TCFL5: variants seen among roughly 807,000 people sequenced by gnomAD.
TCFL5 encodes the protein transcription factor like 5.
In TCFL5, 9 loss-of-function variants were observed where a neutral mutation model predicts 44.3. That is an observed-to-expected ratio of 0.20 (90% CI 0.12 to 0.35). The LOEUF is 0.35. Ranked by LOEUF, TCFL5 falls within the 10% of genes least tolerant of loss-of-function variation. The pLI is 1.00. For missense variants in TCFL5, 603 were observed against 613.4 expected (o/e 0.98, Z 0.18); for synonymous variants, 319 against 271.6 (o/e 1.17, Z -1.72).
At position 62,859,380 on chromosome 20, in the gene TCFL5, A is replaced by T. The variant is rs199556767; in HGVS notation, c.978T>A (p.Val326=). The change falls in exon 3 of 6, where the codon GTT becomes GTA. Residue 326 remains valine (V), a synonymous_variant. Transcript: ENST00000335351. Reference sequence around the variant, plus strand: ...ATCGCTTACCTCCCACTTTAATCCAAACTTGCTCAGGCAAAACTTTGTTTC... The same window carrying T: ...ATCGCTTACCTCCCACTTTAATCCATACTTGCTCAGGCAAAACTTTGTTTC... The part of the protein sequence containing the change: ...GSRNKVLPEQ[V]WIKVGEAALC... 6.2e-7 allele frequency: 1 copy of T among 1,607,934 alleles called. No homozygotes were observed. Among genetic ancestry groups the T allele is most frequent in the Non-Finnish European group, 8.5e-7 (1 of 1,175,570 alleles).
chr20:62,858,280 C>T (rs1387154175), intron 3 of TCFL5, among the ~76,000 whole-genome samples: 1 of 152,214 alleles, frequency 6.6e-6, no homozygotes, highest in African/African-American at 2.4e-5. Flanking sequence ...ACCACAGGCA[C>T]GTGACTGGCA....
intron 4 of TCFL5, among the ~76,000 whole-genome samples, chr20:62,856,477 G>A (rs2063892502): frequency 6.6e-6 from 1 of 151,710 alleles, no homozygotes; most frequent in Admixed American, 6.6e-5. Flanking sequence ...GGCCGAGGCG[G>A]GCAGATCACG....
At position 62,859,382 on chromosome 20, in the gene TCFL5, C is replaced by T. The variant is rs1185974412; in HGVS notation, c.976G>A (p.Val326Ile). ...CGCTTACCTCCCACTTTAATCCAAA[C>T]TTGCTCAGGCAAAACTTTGTTTCTA... ...GSRNKVLPEQ[V>I]WIKVGEAALC... is the part of the protein sequence containing the mutation. The change falls in exon 3 of 6, where the codon GTT becomes ATT. Residue 326 changes from valine to isoleucine, a missense_variant. Physicochemically the swap from Val to Ile is conservative, Grantham distance 29. This residue lies in a region of TCFL5 where 540 missense variants were observed against 478.7 expected (regional missense o/e 1.13). Transcript: ENST00000335351. 1 of 1,607,898 alleles carries T rather than the reference C, an allele frequency of 6.2e-7. No homozygotes were observed. Among genetic ancestry groups the T allele is most frequent in the Non-Finnish European group, 8.5e-7 (1 of 1,175,706 alleles).
At chr20:62,845,765 C>T (rs2063734338) in intron 5 of TCFL5, 1 of 1,606,166 alleles carries the variant, frequency 6.2e-7, no homozygotes, top group Non-Finnish European at 8.5e-7. Flanking sequence ...ACTTCTCCAT[C>T]ACCAAGGAAG....
intron 4 of TCFL5, among the ~76,000 whole-genome samples, chr20:62,856,118 CG>C (rs1568789440): frequency 6.6e-6 from 1 of 151,348 alleles, no homozygotes; most frequent in African/African-American, 2.4e-5. Flanking sequence ...GGCGTAGTGG[CG>C]GGTACCTGTA....
Position 62,861,729 on chromosome 20 carries a change from C to G in TCFL5, c.-59G>C, listed in dbSNP as rs1366747695. On this transcript the variant is annotated 5_prime_UTR_variant, in exon 1 of 6. Transcript: ENST00000335351. The surrounding 1 kb of genome is among the most constrained non-coding windows in gnomAD (Gnocchi z 4.0). ...GACGCGGGCGGCGGGCGGCGGGAGG[C>G]GGGAGGCGGGAGGCGGGAGGCGACC... The G allele has an allele frequency of 6.9e-6, 1 of 145,104 alleles. No individual in the cohort carries two copies. Among genetic ancestry groups the G allele is most frequent in the African/African-American group, 2.5e-5 (1 of 40,232 alleles). 9.0% of individuals were successfully genotyped at this position (145,104 alleles called of 1,614,324 possible).
At chr20:62,858,423 G>A (rs1028177347) in intron 3 of TCFL5, among the ~76,000 whole-genome samples, 3 of 152,230 alleles carry the variant, frequency 2.0e-5, no homozygotes, top group Non-Finnish European at 4.4e-5. Flanking sequence ...TCGGCACAGA[G>A]GCTGCTTTAA....
At chr20:62,843,284 C>G (rs368474830) in intron 5 of TCFL5, among the ~76,000 whole-genome samples, 1 of 152,096 alleles carries the variant, frequency 6.6e-6, no homozygotes, top group Non-Finnish European at 1.5e-5. Flanking sequence ...TGCTCAGATT[C>G]GGGAAGGAGA....
intron 5 of TCFL5, chr20:62,852,429 GC>G: frequency 1.1e-6 from 1 of 952,300 alleles, no homozygotes; most frequent in Non-Finnish European, 1.2e-6. Flanking sequence ...CCCAGAACCA[GC>G]CCTGTGACTG....
chr20:62,849,582 G>T (rs895833129), intron 5 of TCFL5, among the ~76,000 whole-genome samples: 4 of 152,040 alleles, frequency 2.6e-5, no homozygotes, highest in Non-Finnish European at 5.9e-5. Context: ...GAACATTTTG[G>T]CTGGGTGTGG....
chr20:62,843,592 T>C (rs2063703463), intron 5 of TCFL5, among the ~76,000 whole-genome samples: 1 of 152,168 alleles, frequency 6.6e-6, no homozygotes, highest in Non-Finnish European at 1.5e-5. Context: ...TTATACAGTT[T>C]TTATTGTGGT....
chr20:62,848,041 C>A (rs1171208103), intron 5 of TCFL5, among the ~76,000 whole-genome samples: 1 of 152,228 alleles, frequency 6.6e-6, no homozygotes, highest in Non-Finnish European at 1.5e-5. Context: ...CCAGGGAGTT[C>A]TCACAGAAGG....
At position 62,857,595 on chromosome 20, in the gene TCFL5, T is replaced by C; in HGVS notation, c.1038A>G (p.Arg346=). 6.2e-7 allele frequency: 1 copy of C among 1,614,262 alleles called. No individual in the cohort carries two copies. Among genetic ancestry groups the C allele is most frequent in the Non-Finnish European group, 8.5e-7 (1 of 1,180,044 alleles). ...CKQALKRNRS[R]MRQLDTNVER... ...CTACATTTGTGTCCAACTGACGCAT[T>C]CTACTCCGATTCCTCTTCAGTGCTT... Residue 346 remains arginine (R), a synonymous_variant, in exon 4 of 6, where the codon AGA becomes AGG. Transcript: ENST00000335351.
intron 4 of TCFL5, among the ~76,000 whole-genome samples, chr20:62,857,083 C>T (rs1361830414): frequency 6.6e-6 from 1 of 152,202 alleles, no homozygotes; most frequent in Non-Finnish European, 1.5e-5. Flanking sequence ...ACAGGGCGCG[C>T]TCTTAGAAGC....
chr20:62,859,059 T>C (rs190685992), intron 3 of TCFL5, among the ~76,000 whole-genome samples: 10 of 152,316 alleles, frequency 6.6e-5, no homozygotes, highest in African/African-American at 2.4e-4. Flanking sequence ...TAAAAAACTA[T>C]AAAGTACTTT....
chr20:62,841,022 A>C lies in TCFL5; in HGVS notation c.*953T>G. ...CAACTCCACGAGGTGAAAAATATTC[A>C]GTAACTTGTTTACATAGCATTTGTG... On this transcript the variant is annotated 3_prime_UTR_variant, in exon 6 of 6. Transcript: ENST00000335351. 1 of 418,014 alleles carries C rather than the reference A, an allele frequency of 2.4e-6. No homozygotes were observed. The highest frequency in any genetic ancestry group is 2.5e-5 in the South Asian group (1 of 39,966). The allele number at this position is 418,014 out of a possible 1,614,324, so 25.9% of individuals were successfully genotyped here. A position where few individuals can be genotyped will look rare whatever the true frequency, so the allele number is the denominator to read the frequency against.
intron 5 of TCFL5, chr20:62,852,906 C>T: frequency 1.6e-6 from 2 of 1,289,500 alleles, no homozygotes; most frequent in Non-Finnish European, 2.0e-6. Context: ...AGTACATTCA[C>T]CCAGTCAGCA....
At chr20:62,857,680 T>C in intron 3 of TCFL5, 42 bp from the exon 4 acceptor site, 1 of 1,596,410 alleles carries the variant, frequency 6.3e-7, no homozygotes, top group Non-Finnish European at 8.5e-7. Flanking sequence ...TTTTGTATTC[T>C]TATCTCAATT....
At position 62,861,629 on chromosome 20, in the gene TCFL5, G is replaced by T. The variant is rs1332942324; in HGVS notation, c.42C>A (p.Gly14=). The T allele has an allele frequency of 1.6e-5, 16 of 995,462 alleles. No homozygotes were observed. The highest frequency in any genetic ancestry group is 1.9e-5 in the Non-Finnish European group (16 of 836,898). 61.7% of individuals were successfully genotyped at this position (995,462 alleles called of 1,614,324 possible). The change falls in exon 1 of 6, where the codon GGC becomes GGA. Residue 14 remains glycine (G), a synonymous_variant. Coordinates refer to ENST00000335351, the MANE Select transcript of TCFL5 (RefSeq NM_006602.4). The surrounding 1 kb of genome is among the most constrained non-coding windows in gnomAD (Gnocchi z 4.0). ...PGPREPPPEA[G]AAGGEAAVEG... The stretch of plus-strand genomic sequence containing the variant: ...CGACGGCCGCCTCGCCGCCTGCCGC[G>T]CCTGCCTCCGGCGGCGGCTCCCGCG...
Sources: allele counts gnomAD v4.1 joint callset (sites outside exome capture counted in the v4.1 genomes callset), GRCh38; gene constraint gnomAD v4.1.1; regional missense constraint gnomAD v4.1.1; non-coding constraint Gnocchi (gnomAD v3.1); transcripts MANE v1.5; gene names NCBI Gene and HGNC (gene_info 2026-07-23, HGNC 2026-07-21).